ALPK1: variants seen among roughly 807,000 people sequenced by gnomAD.
The protein encoded by ALPK1 is alpha-protein kinase 1.
ALPK1 carries 110 observed loss-of-function variants against 120.6 expected under a neutral mutation model. That is an observed-to-expected ratio of 0.91 (90% CI 0.78 to 1.07). The LOEUF is 1.07. ALPK1 is among the 50% of genes least tolerant of loss of function. The pLI, the probability that ALPK1 is intolerant of heterozygous loss-of-function variation, is 0.00. For synonymous variants in ALPK1, 582 were observed against 560.3 expected (o/e 1.04, Z -0.55); for missense variants, 1,498 against 1,483.9 (o/e 1.01, Z -0.16).
At chr4:112,299,164 T>C (rs1231116567) in intron 1 of ALPK1, among the ~76,000 whole-genome samples, 1 of 152,144 alleles carries the variant, frequency 6.6e-6, no homozygotes, top group Non-Finnish European at 1.5e-5. Context: ...ACAACTGTTT[T>C]TGCAGAATGT....
At chr4:112,337,281 C>G (rs879564593) in intron 2 of ALPK1, among the ~76,000 whole-genome samples, 2 of 152,116 alleles carry the variant, frequency 1.3e-5, no homozygotes, top group Non-Finnish European at 2.9e-5. Context: ...TATACTTCTT[C>G]GCTTTTATTA....
intron 2 of ALPK1, among the ~76,000 whole-genome samples, chr4:112,355,758 G>C (rs904747433): frequency 7.2e-5 from 11 of 152,246 alleles, no homozygotes; most frequent in Admixed American, 6.5e-4. Context: ...GACCCCATCC[G>C]TGGGGTAACA....
rs995063256 is a variant in ALPK1, at chr4:112,356,800, C to T, written c.-100-20878C>T. On this transcript the variant is annotated intron_variant, in intron 2 of 15. Coordinates refer to ENST00000650871, the MANE Select transcript of ALPK1 (RefSeq NM_025144.4). ...AGCAGCAAGCCGACATCGTCTTCAT[C>T]CCATACAGTTAGTTGTTGGATGCCA... is the stretch of plus-strand genomic sequence containing the variant. The T allele has an allele frequency of 9.4e-5, 69 of 732,884 alleles. 1 individual carries two copies. Among genetic ancestry groups the T allele is most frequent in the South Asian group, 4.8e-4 (36 of 74,298 alleles). 45.4% of individuals were successfully genotyped at this position (732,884 alleles called of 1,614,324 possible). A position where few individuals can be genotyped will look rare whatever the true frequency, so the allele number is the denominator to read the frequency against.
At chr4:112,349,557 C>CA (rs1436387287) in intron 2 of ALPK1, among the ~76,000 whole-genome samples, 7 of 143,016 alleles carry the variant, frequency 4.9e-5, no homozygotes, top group Non-Finnish European at 7.6e-5. Flanking sequence ...CCCTGCCCCC[C>CA]CCCGCTTTAT....
intron 2 of ALPK1, among the ~76,000 whole-genome samples, chr4:112,322,316 A>G (rs1728897919): frequency 6.6e-6 from 1 of 152,216 alleles, no homozygotes; most frequent in African/African-American, 2.4e-5. Flanking sequence ...TTGTCACTTC[A>G]AGAGTGTAGG....
intron 5 of ALPK1, chr4:112,412,335 T>G: frequency 1.8e-6 from 1 of 542,150 alleles, no homozygotes. Flanking sequence ...GTATCTGAAT[T>G]GCTATACTTC....
chr4:112,391,122 C>G (rs1732395656), intron 4 of ALPK1, among the ~76,000 whole-genome samples: 1 of 152,154 alleles, frequency 6.6e-6, no homozygotes, highest in Admixed American at 6.5e-5. Flanking sequence ...AGGAATATAC[C>G]TTCCCATGGA....
chr4:112,402,408 A>G (rs1732958531), intron 4 of ALPK1, among the ~76,000 whole-genome samples: 1 of 152,122 alleles, frequency 6.6e-6, no homozygotes, highest in Non-Finnish European at 1.5e-5. Context: ...AACAGCACAC[A>G]CTTTTCCTTG....
In ALPK1 at chr4:112,441,277, G is replaced by A; in HGVS notation, c.*67G>A. The A allele has an allele frequency of 9.4e-7, 1 of 1,064,900 alleles. No homozygotes were observed. The highest frequency in any genetic ancestry group is 1.2e-5 in the South Asian group (1 of 80,310). The allele number at this position is 1,064,900 out of a possible 1,614,324, so 66.0% of individuals were successfully genotyped here. On this transcript the variant is annotated 3_prime_UTR_variant, in exon 16 of 16. Transcript: ENST00000650871. ...TGACACAGGTTCTGGCCAATGATTT[G>A]CAAGAGGAATTGATCAGTATCACTT...
At chr4:112,435,955 G>C (rs1734773078) in intron 12 of ALPK1, among the ~76,000 whole-genome samples, 1 of 152,222 alleles carries the variant, frequency 6.6e-6, no homozygotes, top group Non-Finnish European at 1.5e-5. Flanking sequence ...TTTGGCCTTA[G>C]TTCTTAATAA....
chr4:112,330,841 A>C (rs1381657650), intron 2 of ALPK1, among the ~76,000 whole-genome samples: 1 of 152,216 alleles, frequency 6.6e-6, no homozygotes, highest in Non-Finnish European at 1.5e-5. Flanking sequence ...GGCCAGAGGC[A>C]GTGTTGTATG....
At chr4:112,328,797 A>C (rs1303946525) in intron 2 of ALPK1, among the ~76,000 whole-genome samples, 1 of 152,234 alleles carries the variant, frequency 6.6e-6, no homozygotes, top group Admixed American at 6.5e-5. Context: ...GTGCCTGCTC[A>C]TGCAGTGGCC....
At chr4:112,349,551 G>GCCCCCCCACCCCCCCCC (rs1730245217) in intron 2 of ALPK1, among the ~76,000 whole-genome samples, 1 of 103,714 alleles carries the variant, frequency 9.6e-6, no homozygotes, top group Non-Finnish European at 1.9e-5. Flanking sequence ...CCCAACCCCT[G>GCCCCCCCACCCCCCCCC]CCCCCCCCCG....
chr4:112,439,465 T>C (rs999804703), intron 13 of ALPK1, among the ~76,000 whole-genome samples: 4 of 152,214 alleles, frequency 2.6e-5, no homozygotes, highest in Admixed American at 2.6e-4. Flanking sequence ...TTAAGTTCTA[T>C]GACATGCCAC....
At chr4:112,329,563 T>C (rs1046548269) in intron 2 of ALPK1, among the ~76,000 whole-genome samples, 2 of 152,200 alleles carry the variant, frequency 1.3e-5, no homozygotes, top group African/African-American at 4.8e-5. Context: ...TAACCTAAAA[T>C]ATGAAAGTAT....
At position 112,431,998 on chromosome 4, in the gene ALPK1, A is replaced by T. The variant is rs375768228; in HGVS notation, c.2451A>T (p.Pro817=). Residue 817 remains proline (P), a synonymous_variant, in exon 11 of 16, where the codon CCA becomes CCT. Transcript: ENST00000650871. ...HNSLGNISML[P]CSSFTPNWPV... ...CTCTGGGAAACATTTCCATGCTGCCATGTAGCTCCTTCACCCCTAATTGGC... is the reference window on the plus strand; with the variant it reads ...CTCTGGGAAACATTTCCATGCTGCCTTGTAGCTCCTTCACCCCTAATTGGC... The T allele has an allele frequency of 6.2e-7, 1 of 1,614,042 alleles. No individual in the cohort carries two copies. Among genetic ancestry groups the T allele is most frequent in the African/African-American group, 1.3e-5 (1 of 74,944 alleles).
At chr4:112,383,840 A>G (rs1456222510) in intron 4 of ALPK1, 1 of 152,198 alleles carries the variant, frequency 6.6e-6, no homozygotes, top group Non-Finnish European at 1.5e-5. Flanking sequence ...ACTACACCCA[A>G]CCTACTAAAC....
chr4:112,416,558 A>G (rs1733754229), intron 5 of ALPK1, among the ~76,000 whole-genome samples: 1 of 152,152 alleles, frequency 6.6e-6, no homozygotes, highest in African/African-American at 2.4e-5. Context: ...TTTACACTGA[A>G]GGAGTATATC....
At chr4:112,392,342 C>G (rs575271525) in intron 4 of ALPK1, among the ~76,000 whole-genome samples, 11 of 152,268 alleles carry the variant, frequency 7.2e-5, no homozygotes, top group African/African-American at 2.2e-4. Flanking sequence ...TTAACTTCCC[C>G]CCAACCCTCA....
Sources: allele counts gnomAD v4.1 joint callset (sites outside exome capture counted in the v4.1 genomes callset), GRCh38; gene constraint gnomAD v4.1.1; transcripts MANE v1.5; gene names NCBI Gene and HGNC (gene_info 2026-07-23, HGNC 2026-07-21).